The following TLE1 variants were observed in gnomAD, a reference collection of about 807,000 sequenced individuals.
TLE1 encodes transducin-like enhancer protein 1.
Under a neutral mutation model 89.8 loss-of-function variants are expected in TLE1, and 21 were observed. The ratio of observed to expected loss-of-function variants is 0.23; its 90% CI spans 0.17 to 0.34. The LOEUF (loss-of-function observed/expected upper bound fraction) is 0.34, where lower values mean the gene tolerates loss of function less well. Among genes scored for constraint, TLE1 ranks in the 10% least tolerant of loss-of-function variants. The pLI is 1.00. For synonymous variants in TLE1, 447 were observed against 407.6 expected, an observed-to-expected ratio of 1.10 and a Z score of -1.16; for missense variants, 795 against 1,031.2, an observed-to-expected ratio of 0.77 and a Z score of 3.14.
chr9:81,663,122 A>G (rs1831027172), intron 4 of TLE1, among the ~76,000 whole-genome samples: 2 of 152,168 alleles, frequency 1.3e-5, no homozygotes, highest in African/African-American at 4.8e-5. Context: ...CTGGGATTAC[A>G]GGCACAAGCC....
chr9:81,684,223 G>A (rs568920444), intron 4 of TLE1, among the ~76,000 whole-genome samples: 1 of 150,190 alleles, frequency 6.7e-6, no homozygotes, highest in East Asian at 2.0e-4. Context: ...ATAGATGTTA[G>A]CCACAGATCT....
intron 4 of TLE1, among the ~76,000 whole-genome samples, chr9:81,656,491 T>C (rs765768882): frequency 6.6e-6 from 1 of 152,166 alleles, no homozygotes. Flanking sequence ...CACAGATACA[T>C]ATACAGAAAT....
intron 12 of TLE1, 55 bp downstream of exon 12, chr9:81,613,322 A>G: frequency 6.3e-7 from 1 of 1,594,262 alleles, no homozygotes; most frequent in Non-Finnish European, 8.6e-7. Flanking sequence ...CAGACAACAA[A>G]TCAAGCTGGG....
In TLE1 at chr9:81,597,376, C is replaced by A. The variant is rs146181317; in HGVS notation, c.1332-4102G>T. Among the ~76,000 whole-genome samples the A allele has an allele frequency of 6.6e-4, 101 of 152,150 alleles. 2 individuals are homozygous for A. In the East Asian group the frequency reaches 0.016, roughly 25 times the overall value. Reference sequence around the variant, plus strand: ...GGGAATGCGGAAAGGGAGGAAGACGCAGGGTGGGGATCAGGAAAGCACAAG... The same window carrying A: ...GGGAATGCGGAAAGGGAGGAAGACGAAGGGTGGGGATCAGGAAAGCACAAG... On this transcript the variant is annotated intron_variant, in intron 14 of 19. Transcript: ENST00000376499.
Position 81,634,311 on chromosome 9 carries a change from G to A in TLE1, c.373-10C>T. ...CTTGCAACTGCTGCTGCTGTTGGTGGTGGTGGTGAGAGAGAAAAAGGAGGA... is the reference window on the plus strand; with the variant it reads ...CTTGCAACTGCTGCTGCTGTTGGTGATGGTGGTGAGAGAGAAAAAGGAGGA... On this transcript the variant is annotated splice_polypyrimidine_tract_variant and intron_variant, in intron 6 of 19. Transcript: ENST00000376499. 6.7e-7 allele frequency: 1 copy of A among 1,492,638 alleles called. No homozygotes were observed. The highest frequency in any genetic ancestry group is 9.0e-7 in the Non-Finnish European group (1 of 1,110,116). The allele number at this position is 1,492,638 out of a possible 1,614,324, so 92.5% of individuals were successfully genotyped here. A position where few individuals can be genotyped will look rare whatever the true frequency, so the allele number is the denominator to read the frequency against.
intron 12 of TLE1, 185 bp from the exon 13 acceptor site, chr9:81,612,144 T>A: frequency 1.7e-6 from 1 of 596,516 alleles, no homozygotes; most frequent in Non-Finnish European, 2.5e-6. Context: ...AGCGAATGCA[T>A]CTCCAGGAAA....
intron 8 of TLE1, among the ~76,000 whole-genome samples, chr9:81,628,984 GGAGTCTCCTCCA>G (rs764182891): frequency 3.9e-5 from 6 of 152,054 alleles, no homozygotes; most frequent in Admixed American, 1.3e-4. Flanking sequence ...CGTCTGCTCT[GGAGTCTCCTCCA>G]GAGTCTCCTC....
At chr9:81,682,083 T>C (rs1350091926) in intron 4 of TLE1, among the ~76,000 whole-genome samples, 2 of 150,540 alleles carry the variant, frequency 1.3e-5, no homozygotes, top group Non-Finnish European at 3.0e-5. Context: ...CTCTCTCTAC[T>C]ACAAAAAAAA....
At chr9:81,655,757 G>C (rs747151) in intron 4 of TLE1, among the ~76,000 whole-genome samples, 401 of 149,266 alleles carry the variant, frequency 2.7e-3, no homozygotes, top group African/African-American at 7.2e-3. Context: ...AATGGAAAAA[G>C]ACAAAGTAGA....
At chr9:81,686,541 G>A (rs1834305574) in intron 2 of TLE1, among the ~76,000 whole-genome samples, 1 of 152,168 alleles carries the variant, frequency 6.6e-6, no homozygotes, top group Admixed American at 6.5e-5. Context: ...TCACACCCAA[G>A]CCACTTCGCC....
At chr9:81,635,545 A>T (rs1827258484) in intron 6 of TLE1, among the ~76,000 whole-genome samples, 1 of 152,330 alleles carries the variant, frequency 6.6e-6, no homozygotes, top group South Asian at 2.1e-4. Context: ...GTCCAATATA[A>T]AACTTATTTT....
At chr9:81,592,349 C>G (rs961984826) in intron 15 of TLE1, among the ~76,000 whole-genome samples, 2 of 152,228 alleles carry the variant, frequency 1.3e-5, no homozygotes, top group Non-Finnish European at 2.9e-5. Context: ...CAGAGCAAGA[C>G]TCCGTCTCAA....
chr9:81,588,510 A>G (rs929276760), intron 16 of TLE1, among the ~76,000 whole-genome samples: 1 of 152,180 alleles, frequency 6.6e-6, no homozygotes, highest in Non-Finnish European at 1.5e-5. Context: ...AGGCAGACCC[A>G]CGGGCACCTC....
At chr9:81,587,886 G>C in intron 16 of TLE1, 58 bp from the exon 17 acceptor site, 1 of 1,597,702 alleles carries the variant, frequency 6.3e-7, no homozygotes, top group Admixed American at 1.7e-5. Context: ...GGTAAACACT[G>C]TTGTGTTGTT....
intron 4 of TLE1, among the ~76,000 whole-genome samples, chr9:81,682,843 G>T (rs1006569596): frequency 6.6e-6 from 1 of 151,954 alleles, no homozygotes; most frequent in Non-Finnish European, 1.5e-5. Flanking sequence ...AGGGCTCCAA[G>T]AAAAAAATAT....
intron 14 of TLE1, among the ~76,000 whole-genome samples, chr9:81,605,013 C>T (rs1050140732): frequency 6.6e-6 from 1 of 152,192 alleles, no homozygotes; most frequent in Admixed American, 6.5e-5. Context: ...CCCCCAAGGG[C>T]AGAGAAGGCT....
intron 11 of TLE1, 126 bp from the exon 12 acceptor site, chr9:81,613,647 C>T (rs1045423361): frequency 1.8e-6 from 2 of 1,096,368 alleles, no homozygotes; most frequent in Non-Finnish European, 2.6e-6. Flanking sequence ...TTCATAAATC[C>T]ACACAATGTT....
At chr9:81,677,160 C>G (rs1359818780) in intron 4 of TLE1, among the ~76,000 whole-genome samples, 1 of 152,150 alleles carries the variant, frequency 6.6e-6, no homozygotes, top group African/African-American at 2.4e-5. Context: ...ATAGCTTGAA[C>G]CCCAGAGGCA....
At position 81,615,081 on chromosome 9, in the gene TLE1, C is replaced by CAAAAAAAAAAA. The variant is rs34947337; in HGVS notation, c.918+890_918+900dup. 6.8e-4 allele frequency among the ~76,000 whole-genome samples: 17 copies of CAAAAAAAAAAA among 25,108 alleles called. 2 individuals carry two copies. The highest frequency in any genetic ancestry group is 8.7e-4 in the Non-Finnish European group (13 of 14,868). 16.5% of individuals were successfully genotyped at this position (25,108 alleles called of 152,430 possible). A position where few individuals can be genotyped will look rare whatever the true frequency, so the allele number is the denominator to read the frequency against. On this transcript the variant is annotated intron_variant, in intron 11 of 19. Transcript: ENST00000376499. Reference sequence around the variant, plus strand: ...TGGGTGACAGAGTGAGACTCCATCTCAAAAAAAAAAAAAAAAAAAAAAAAA... The same window carrying CAAAAAAAAAAA: ...TGGGTGACAGAGTGAGACTCCATCTCAAAAAAAAAAAAAAAAAAAAAAAAAAAAAAAAAAAA...
Sources: gnomAD v4.1 joint callset for allele counts (sites outside exome capture counted in the v4.1 genomes callset) on GRCh38, gnomAD v4.1.1 for gene constraint, MANE v1.5 for transcripts, NCBI Gene and HGNC (gene_info 2026-07-23, HGNC 2026-07-21) for gene names.